Variants in ARK2C observed in about 807,000 individuals in gnomAD.
ARK2C encodes the protein E3 ubiquitin-protein ligase ARK2C.
At chr18:46,390,260 C>T in the ARK2C span, among the ~76,000 whole-genome samples, 1,750 of 152,274 alleles carry the variant, frequency 0.011, 23 homozygotes, top group African/African-American at 0.04. Context: ...TCTAAATCAC[C>T]CCATCTTTCC....
chr18:46,357,167 A>G, the ARK2C span, among the ~76,000 whole-genome samples: 1 of 152,316 alleles, frequency 6.6e-6, no homozygotes, highest in African/African-American at 2.4e-5. Context: ...AAATATAAAC[A>G]ATATGAAGGA....
At chr18:46,403,391 CCCCCGTCT>C in the ARK2C span, among the ~76,000 whole-genome samples, 1 of 152,240 alleles carries the variant, frequency 6.6e-6, no homozygotes, top group Admixed American at 6.5e-5. Flanking sequence ...CCCTCCCTGC[CCCCCGTCT>C]CCCTCTAGGT....
At chr18:46,393,671 C>T in the ARK2C span, among the ~76,000 whole-genome samples, 1 of 152,230 alleles carries the variant, frequency 6.6e-6, no homozygotes, top group Non-Finnish European at 1.5e-5. Context: ...CTTCCACATG[C>T]CTGAAACCTT....
the ARK2C span, among the ~76,000 whole-genome samples, chr18:46,383,658 C>T: frequency 5.9e-5 from 9 of 151,320 alleles, no homozygotes; most frequent in African/African-American, 2.2e-4. Flanking sequence ...GGGTTCATGC[C>T]ATTCTCCTGC....
the ARK2C span, among the ~76,000 whole-genome samples, chr18:46,424,575 A>G: frequency 2.3e-4 from 35 of 152,188 alleles, no homozygotes; most frequent in Admixed American, 1.4e-3. Flanking sequence ...CGGCGGTACA[A>G]CACTGAACAC....
the ARK2C span, among the ~76,000 whole-genome samples, chr18:46,442,324 G>C: frequency 2.0e-5 from 3 of 152,004 alleles, no homozygotes; most frequent in Admixed American, 6.5e-5. Context: ...ATGACTTTGG[G>C]TTTTCTTTTC....
the ARK2C span, among the ~76,000 whole-genome samples, chr18:46,413,770 A>G: frequency 1.3e-5 from 2 of 152,144 alleles, no homozygotes; most frequent in South Asian, 4.1e-4. Context: ...CACATTACAT[A>G]TGCACGTGGT....
the ARK2C span, among the ~76,000 whole-genome samples, chr18:46,429,031 T>C: frequency 6.6e-6 from 1 of 152,246 alleles, no homozygotes; most frequent in East Asian, 1.9e-4. Context: ...TCTCCTTCCC[T>C]TTGTCCTGTG....
the ARK2C span, among the ~76,000 whole-genome samples, chr18:46,408,192 G>A: frequency 0.043 from 6,475 of 152,268 alleles, 179 homozygotes; most frequent in Non-Finnish European, 0.062. Context: ...AGGAATTGTG[G>A]GGGCTGATAA....
At chr18:46,391,016 A>C in the ARK2C span, among the ~76,000 whole-genome samples, 1 of 152,218 alleles carries the variant, frequency 6.6e-6, no homozygotes, top group African/African-American at 2.4e-5. Context: ...AATTCTGCAC[A>C]TTTAATAATG....
the ARK2C span, among the ~76,000 whole-genome samples, chr18:46,441,064 C>A: frequency 2.6e-5 from 4 of 152,176 alleles, no homozygotes; most frequent in African/African-American, 9.7e-5. Flanking sequence ...TGGCTCACTG[C>A]AGCCTCGATC....
the ARK2C span, among the ~76,000 whole-genome samples, chr18:46,424,475 C>T: frequency 6.6e-6 from 1 of 152,190 alleles, no homozygotes. Flanking sequence ...TTGTTTCTCC[C>T]TGGTTCCAGC....
chr18:46,435,450 G>A, the ARK2C span: 4 of 1,348,614 alleles, frequency 3.0e-6, no homozygotes, highest in African/African-American at 2.9e-5. Context: ...GAGGAGGGAG[G>A]TCTTGCCAGA....
At chr18:46,433,533 G>C in the ARK2C span, 1 of 1,563,286 alleles carries the variant, frequency 6.4e-7, no homozygotes, top group Non-Finnish European at 8.7e-7. Context: ...CGGAGGTGGG[G>C]ACCCGGATGG....
At chr18:46,425,989 G>A in the ARK2C span, among the ~76,000 whole-genome samples, 10 of 152,214 alleles carry the variant, frequency 6.6e-5, no homozygotes, top group Non-Finnish European at 1.3e-4. Flanking sequence ...GCAGCAAGCC[G>A]GCTCTTTGGG....
At chr18:46,405,486 G>T in the ARK2C span, among the ~76,000 whole-genome samples, 1 of 152,202 alleles carries the variant, frequency 6.6e-6, no homozygotes, top group Non-Finnish European at 1.5e-5. Context: ...GAGGCAATAG[G>T]ATGGAGTGGT....
chr18:46,444,013 T>C, the ARK2C span, among the ~76,000 whole-genome samples: 5 of 152,132 alleles, frequency 3.3e-5, no homozygotes, highest in Non-Finnish European at 7.4e-5. Context: ...TTTCTAGGTA[T>C]ATATTTCTAT....
the ARK2C span, among the ~76,000 whole-genome samples, chr18:46,360,477 A>G: frequency 6.6e-6 from 1 of 152,124 alleles, no homozygotes; most frequent in Non-Finnish European, 1.5e-5. Context: ...AATTCCAAAC[A>G]CCTCATTTAC....
At chr18:46,454,106 G>A in the ARK2C span, among the ~76,000 whole-genome samples, 11 of 82,574 alleles carry the variant, frequency 1.3e-4, no homozygotes, top group South Asian at 9.2e-4. Context: ...GGGCAAGGCC[G>A]TCTCAAAAAA....
Sources: allele counts gnomAD v4.1 joint callset (sites outside exome capture counted in the v4.1 genomes callset), GRCh38; gene constraint gnomAD v4.1.1; transcripts MANE v1.5; gene names NCBI Gene and HGNC (gene_info 2026-07-23, HGNC 2026-07-21).